TSNAX: variants seen among roughly 807,000 people sequenced by gnomAD.
TSNAX encodes translin-associated protein X.
Under a neutral mutation model 33.0 loss-of-function variants are expected in TSNAX, and 12 were observed. That is an observed-to-expected ratio of 0.36 (90% confidence interval 0.23 to 0.59). TSNAX has a LOEUF of 0.59. TSNAX is among the 20% of genes least tolerant of loss of function. The probability of loss-of-function intolerance (pLI) is 0.74; values close to 1 mark genes in which losing one functional copy is unlikely to be tolerated. For synonymous variants in TSNAX, 110 were observed against 117.2 expected, an observed-to-expected ratio of 0.94 and a Z score of 0.40; for missense variants, 267 against 341.3, an observed-to-expected ratio of 0.78 and a Z score of 1.72.
At chr1:231,557,002 A>G (rs768242462) in intron 4 of TSNAX, among the ~76,000 whole-genome samples, 1 of 152,130 alleles carries the variant, frequency 6.6e-6, no homozygotes, top group African/African-American at 2.4e-5. Context: ...AAAAAGGCAG[A>G]CAGTCTGCAG....
intron 2 of TSNAX, among the ~76,000 whole-genome samples, chr1:231,530,873 A>G (rs1397450014): frequency 6.6e-6 from 1 of 151,908 alleles, no homozygotes. Flanking sequence ...CGGCGACAGA[A>G]TGAGACTCCA....
At chr1:231,544,793 A>G (rs1478699748) in intron 4 of TSNAX, among the ~76,000 whole-genome samples, 1 of 152,218 alleles carries the variant, frequency 6.6e-6, no homozygotes. Flanking sequence ...GTGAAAGGGA[A>G]ATATTCAGTA....
chr1:231,540,211 A>T (rs200381325), intron 3 of TSNAX, among the ~76,000 whole-genome samples: 11 of 152,000 alleles, frequency 7.2e-5, no homozygotes, highest in East Asian at 1.9e-4. Context: ...TTATGAAAGA[A>T]ATGAGCCAGT....
chr1:231,537,569 T>G (rs1572106614), intron 3 of TSNAX, among the ~76,000 whole-genome samples: 1 of 152,062 alleles, frequency 6.6e-6, no homozygotes, highest in South Asian at 2.1e-4. Context: ...GGTGAAACCC[T>G]GTCTCTACTA....
chr1:231,562,774 G>A (rs1191385130), intron 5 of TSNAX, among the ~76,000 whole-genome samples: 1 of 152,044 alleles, frequency 6.6e-6, no homozygotes, highest in Non-Finnish European at 1.5e-5. Flanking sequence ...GAAATTTCTG[G>A]GAATTTGATT....
intron 4 of TSNAX, among the ~76,000 whole-genome samples, chr1:231,546,376 C>T (rs1168601451): frequency 1.3e-5 from 2 of 152,098 alleles, no homozygotes; most frequent in Non-Finnish European, 2.9e-5. Context: ...GGAGCTATTT[C>T]TTAGACATAC....
intron 1 of TSNAX, among the ~76,000 whole-genome samples, 164 bp downstream of exon 1, chr1:231,528,990 C>T (rs1406529570): frequency 1.3e-5 from 2 of 152,330 alleles, no homozygotes; most frequent in South Asian, 2.1e-4. Flanking sequence ...CCTGTTTACA[C>T]CTCCTTTTTT....
At chr1:231,547,236 G>A (rs1315126092) in intron 4 of TSNAX, among the ~76,000 whole-genome samples, 2 of 151,980 alleles carry the variant, frequency 1.3e-5, no homozygotes, top group African/African-American at 4.8e-5. Context: ...ACCTAATTTT[G>A]TAAATGAGGT....
At chr1:231,557,688 C>G (rs1660780948) in intron 4 of TSNAX, among the ~76,000 whole-genome samples, 1 of 152,082 alleles carries the variant, frequency 6.6e-6, no homozygotes, top group Admixed American at 6.5e-5. Context: ...GTGAGAACAC[C>G]TAGTATGTTA....
At chr1:231,545,305 A>G (rs1469249012) in intron 4 of TSNAX, among the ~76,000 whole-genome samples, 1 of 152,196 alleles carries the variant, frequency 6.6e-6, no homozygotes, top group Admixed American at 6.5e-5. Context: ...CAATGAACTA[A>G]AGGAGTTCTG....
intron 4 of TSNAX, among the ~76,000 whole-genome samples, chr1:231,547,378 C>CTTTTTTTTTTTTTTTT (rs1036404786): frequency 8.6e-6 from 1 of 116,630 alleles, no homozygotes. Context: ...AAGGCTTTTT[C>CTTTTTTTTTTTTTTTT]TTTTTTTTTT....
Position 231,537,338 on chromosome 1 carries a change from A to T in TSNAX, c.236+11A>T, listed in dbSNP as rs1659246430. On this transcript the variant is annotated intron_variant, in intron 3 of 5. Coordinates refer to ENST00000366639, the MANE Select transcript of TSNAX (RefSeq NM_005999.3). ...CCATAGGATTACAAGGTGAGTAAGC[A>T]TCTTTAGAATTTATTACAGTTTGAT... The T allele has an allele frequency of 6.5e-7, 1 of 1,545,682 alleles. No individual in the cohort carries two copies. Among genetic ancestry groups the T allele is most frequent in the African/African-American group, 1.4e-5 (1 of 73,048 alleles).
chr1:231,528,996 T>A (rs1322736025), intron 1 of TSNAX, among the ~76,000 whole-genome samples, 170 bp downstream of exon 1: 1 of 152,190 alleles, frequency 6.6e-6, no homozygotes, highest in East Asian at 1.9e-4. Flanking sequence ...TACACCTCCT[T>A]TTTTCTTAAA....
rs772856706 is a variant in TSNAX at position 231,564,561 on chromosome 1, A to T, written c.529A>T (p.Thr177Ser). 8.7e-6 allele frequency: 14 copies of T among 1,613,824 alleles called. No individual in the cohort carries two copies. The highest frequency in any genetic ancestry group is 8.5e-7 in the Non-Finnish European group (1 of 1,179,984). Residue 177 changes from threonine (T) to serine (S), a missense_variant, in exon 6 of 6, where the codon ACT (threonine) becomes TCT (serine). Coordinates refer to ENST00000366639, the MANE Select transcript of TSNAX (RefSeq NM_005999.3). ...SSDAQDKQFG[T>S]WRLRVTPVDY... ...TGATGCACAGGATAAGCAGTTTGGT[A>T]CTTGGAGACTGAGAGTCACACCTGT...
rs758918758 is a variant in TSNAX, at chr1:231,542,573, G to A, written c.329G>A (p.Gly110Glu). 8 of 1,613,868 alleles carry A rather than the reference G, an allele frequency of 5.0e-6. No homozygotes were observed. Among genetic ancestry groups the A allele is most frequent in the Non-Finnish European group, 6.8e-6 (8 of 1,179,970 alleles). Residue 110 changes from glycine (G) to glutamate (E), a missense_variant, in exon 4 of 6, where the codon GGG becomes GAG. Physicochemically the swap from Gly to Glu is moderately conservative, Grantham distance 98 (BLOSUM62 -2). Transcript: ENST00000366639. ...TTCCAGGTAGCCCAAGAGCTATCAG[G>A]GGAAGATATGCATCAGTTCCATCGA... ...KIFQVAQELSGEDMHQFHRAI... is the reference protein window; with the variant it reads ...KIFQVAQELSEEDMHQFHRAI...
At chr1:231,561,061 T>G in intron 4 of TSNAX, 67 bp from the exon 5 acceptor site, 2 of 1,521,058 alleles carry the variant, frequency 1.3e-6, no homozygotes, top group Non-Finnish European at 1.8e-6. Context: ...AATATGAAGT[T>G]TTTTTATTAT....
intron 3 of TSNAX, among the ~76,000 whole-genome samples, chr1:231,540,140 A>G (rs1304331487): frequency 3.4e-5 from 5 of 146,258 alleles, no homozygotes; most frequent in Non-Finnish European, 7.5e-5. Flanking sequence ...TGCCACTGCA[A>G]TCCAGCCTGG....
chr1:231,548,113 A>C (rs1051109976), intron 4 of TSNAX, among the ~76,000 whole-genome samples: 1 of 152,148 alleles, frequency 6.6e-6, no homozygotes, highest in African/African-American at 2.4e-5. Flanking sequence ...GATTACAGGC[A>C]TGAGCCACCG....
chr1:231,546,320 T>G (rs143321320), intron 4 of TSNAX, among the ~76,000 whole-genome samples: 2,077 of 152,362 alleles, frequency 0.014, 59 homozygotes, highest in African/African-American at 0.047. Context: ...TTCACAAGTT[T>G]ATATTTTACT....
Sources: allele counts gnomAD v4.1 joint callset (sites outside exome capture counted in the v4.1 genomes callset), GRCh38; gene constraint gnomAD v4.1.1; transcripts MANE v1.5; gene names NCBI Gene and HGNC (gene_info 2026-07-23, HGNC 2026-07-21).